The following TEX2 variants were observed in gnomAD, a reference collection of about 807,000 sequenced individuals.
TEX2 encodes testis-expressed protein 2.
Under a neutral mutation model 106.9 loss-of-function variants are expected in TEX2, and 53 were observed. That is an observed-to-expected ratio of 0.50 (90% CI 0.40 to 0.62). The LOEUF (loss-of-function observed/expected upper bound fraction) is 0.62, where lower values mean the gene tolerates loss of function less well. Ranked by LOEUF, TEX2 falls within the 20% of genes least tolerant of loss-of-function variation. The pLI, the probability that TEX2 is intolerant of heterozygous loss-of-function variation, is 0.00. For synonymous variants in TEX2, 523 were observed against 534.8 expected (o/e 0.98, Z 0.30); for missense variants, 1,207 against 1,379.0 (o/e 0.88, Z 1.98).
In TEX2 at chr17:64,213,648, G is replaced by T; in HGVS notation, c.570C>A (p.Ser190Arg). 1 of 1,614,188 alleles carries T rather than the reference G, an allele frequency of 6.2e-7. No individual in the cohort carries two copies. Among genetic ancestry groups the T allele is most frequent in the Non-Finnish European group, 8.5e-7 (1 of 1,180,038 alleles). ...STLSSAKPFM[S>R]LVKSLSTEVE... ...CCTCGGTCGACAGGGACTTCACAAG[G>T]CTCATGAAGGGTTTTGCACTGGAAA... Residue 190 changes from serine to arginine, a missense_variant, in exon 2 of 12, where the codon AGC becomes AGA. Transcript: ENST00000584379. The surrounding 1 kb of genome is among the most constrained non-coding windows in gnomAD (Gnocchi z 4.4).
intron 2 of TEX2, among the ~76,000 whole-genome samples, chr17:64,208,099 G>A (rs1555630998): frequency 6.6e-6 from 1 of 152,170 alleles, no homozygotes; most frequent in African/African-American, 2.4e-5. Context: ...ACTGGTCACA[G>A]GAGAGCAGAC....
At chr17:64,224,635 C>G (rs377181682) in intron 1 of TEX2, among the ~76,000 whole-genome samples, 8 of 152,238 alleles carry the variant, frequency 5.3e-5, no homozygotes, top group African/African-American at 1.9e-4. Flanking sequence ...CTCTTCCGAC[C>G]CAGCAGGGTC....
chr17:64,203,759 A>G (rs2032743329), intron 2 of TEX2, among the ~76,000 whole-genome samples: 1 of 152,174 alleles, frequency 6.6e-6, no homozygotes, highest in Non-Finnish European at 1.5e-5. Flanking sequence ...AAAAGAAAAG[A>G]AAGAAAGCCC....
chr17:64,252,944 C>T (rs1374622056), intron 1 of TEX2, among the ~76,000 whole-genome samples: 1 of 152,062 alleles, frequency 6.6e-6, no homozygotes, highest in African/African-American at 2.4e-5. Flanking sequence ...AAGTCTAGCT[C>T]CCTTCCAACT....
At chr17:64,239,904 A>AAAAAAAAAAAAAAAAG (rs781859721) in intron 1 of TEX2, among the ~76,000 whole-genome samples, 11 of 118,846 alleles carry the variant, frequency 9.3e-5, no homozygotes, top group Admixed American at 2.6e-4. Context: ...AAAAAAAAAA[A>AAAAAAAAAAAAAAAAG]GCAGAGAAGA....
chr17:64,170,299 G>A (rs1324601610), intron 7 of TEX2, among the ~76,000 whole-genome samples: 2 of 152,178 alleles, frequency 1.3e-5, no homozygotes, highest in East Asian at 3.8e-4. Flanking sequence ...GCACCTACTA[G>A]GAGTAGCAAG....
intron 1 of TEX2, among the ~76,000 whole-genome samples, chr17:64,245,248 T>G (rs146217308): frequency 1.4e-3 from 213 of 152,352 alleles, no homozygotes; most frequent in African/African-American, 5.0e-3. Flanking sequence ...TCTAACTCTA[T>G]TTGCTATAAT....
Position 64,152,967 on chromosome 17 carries a change from G to A in TEX2, c.3118C>T (p.Pro1040Ser), listed in dbSNP as rs368259551. The A allele has an allele frequency of 1.6e-4, 254 of 1,614,058 alleles. No homozygotes were observed. Among genetic ancestry groups the A allele is most frequent in the Non-Finnish European group, 2.0e-4 (236 of 1,180,048 alleles). ...CACCATACTCGGTCAGTCGGGGGTG[G>A]TGGAATGTTGACCGCCAAGGTTCCT... ...CRGTLAVNIP[P>S]PPTDRVWYGF... The change falls in exon 10 of 12, where the codon CCA (proline) becomes TCA (serine). Residue 1040 changes from proline (P) to serine (S), a missense_variant. By Grantham distance (74) the Pro-to-Ser change is moderately conservative. Around this residue, in one of 3 missense-constraint regions of TEX2, gnomAD observed 63 missense variants for 112.2 expected, o/e 0.56. Transcript: ENST00000584379.
At chr17:64,170,957 A>G (rs1273375260) in intron 7 of TEX2, 143 bp downstream of exon 7, 2 of 678,128 alleles carry the variant, frequency 2.9e-6, no homozygotes, top group Non-Finnish European at 5.0e-6. Context: ...TAAGGCCATG[A>G]CTGGTAAGAA....
At chr17:64,250,564 T>C (rs1278990264) in intron 1 of TEX2, among the ~76,000 whole-genome samples, 2 of 152,252 alleles carry the variant, frequency 1.3e-5, no homozygotes, top group African/African-American at 2.4e-5. Flanking sequence ...TACAAACATC[T>C]GCATGGTCTA....
At chr17:64,169,241 G>A (rs1397520212) in intron 7 of TEX2, among the ~76,000 whole-genome samples, 8 of 152,114 alleles carry the variant, frequency 5.3e-5, no homozygotes, top group Non-Finnish European at 1.0e-4. Flanking sequence ...GTTTCACCAC[G>A]TTGGCCAGGC....
chr17:64,218,807 G>A (rs999236441), intron 1 of TEX2, among the ~76,000 whole-genome samples: 9 of 151,950 alleles, frequency 5.9e-5, no homozygotes, highest in East Asian at 5.8e-4. Context: ...TCAAGGAGCC[G>A]GGACCCCAAA....
intron 7 of TEX2, among the ~76,000 whole-genome samples, chr17:64,161,956 C>A (rs1312171230): frequency 6.6e-6 from 1 of 152,116 alleles, no homozygotes; most frequent in African/African-American, 2.4e-5. Flanking sequence ...CAGTAAACAG[C>A]CCATCCCCTA....
At chr17:64,245,268 C>A (rs1555636170) in intron 1 of TEX2, among the ~76,000 whole-genome samples, 2 of 152,162 alleles carry the variant, frequency 1.3e-5, no homozygotes, top group African/African-American at 2.4e-5. Context: ...TTTGACAATT[C>A]TATCTTAAGA....
intron 2 of TEX2, 61 bp downstream of exon 2, chr17:64,212,513 T>C (rs1567944370): frequency 1.4e-6 from 2 of 1,450,218 alleles, no homozygotes; most frequent in Non-Finnish European, 1.9e-6. Context: ...ACAAGTCAGA[T>C]CTAAAATACG....
chr17:64,219,259 A>C (rs564922181), intron 1 of TEX2, among the ~76,000 whole-genome samples: 77 of 152,246 alleles, frequency 5.1e-4, no homozygotes, highest in African/African-American at 1.9e-3. Flanking sequence ...TAATCCCAGC[A>C]CTTTGGGAGG....
chr17:64,252,687 C>G (rs1399643852), intron 1 of TEX2, among the ~76,000 whole-genome samples: 1 of 152,148 alleles, frequency 6.6e-6, no homozygotes, highest in African/African-American at 2.4e-5. Context: ...TGCATTCTTT[C>G]ATTCATTCAC....
Position 64,239,904 on chromosome 17 carries a change from A to AAAAAAAAAAAAAAG in TEX2, c.-26+23263_-26+23264insCTTTTTTTTTTTTT, listed in dbSNP as rs781859721. Among the ~76,000 whole-genome samples, 22 of 118,848 alleles carry AAAAAAAAAAAAAAG rather than the reference A, an allele frequency of 1.9e-4. 2 individuals are homozygous for AAAAAAAAAAAAAAG. The highest frequency in any genetic ancestry group is 8.4e-4 in the South Asian group (3 of 3,582). The allele number at this position is 118,848 out of a possible 152,430, so 78.0% of individuals were successfully genotyped here. A position where few individuals can be genotyped will look rare whatever the true frequency, so the allele number is the denominator to read the frequency against. ...AAAAAAAAAAAAAAAAAAAAAAAAA[A>AAAAAAAAAAAAAAG]GCAGAGAAGATAAGAGAAGAGAAAT... On this transcript the variant is annotated intron_variant, in intron 1 of 11. Transcript: ENST00000584379.
At chr17:64,202,958 C>T (rs1240264421) in intron 2 of TEX2, among the ~76,000 whole-genome samples, 1 of 152,206 alleles carries the variant, frequency 6.6e-6, no homozygotes, top group Admixed American at 6.5e-5. Context: ...GGGTTTCTCT[C>T]AATTCTCTGC....
Sources: allele counts gnomAD v4.1 joint callset (sites outside exome capture counted in the v4.1 genomes callset), GRCh38; gene constraint gnomAD v4.1.1; regional missense constraint gnomAD v4.1.1; non-coding constraint Gnocchi (gnomAD v3.1); transcripts MANE v1.5; gene names NCBI Gene and HGNC (gene_info 2026-07-23, HGNC 2026-07-21).